Variants in AEBP2 observed in about 807,000 individuals in gnomAD.
AEBP2 encodes the protein AE binding protein 2, also known as zinc finger protein AEBP2.
In AEBP2, 10 loss-of-function variants were observed where a neutral mutation model predicts 50.8. The ratio of observed to expected loss-of-function variants is 0.20; its 90% CI spans 0.12 to 0.33. AEBP2 has a LOEUF of 0.33. Among genes scored for constraint, AEBP2 ranks in the 10% least tolerant of loss-of-function variants. The probability of loss-of-function intolerance (pLI) is 1.00; values close to 1 mark genes in which losing one functional copy is unlikely to be tolerated. For missense variants in AEBP2, 570 were observed against 688.0 expected, an observed-to-expected ratio of 0.83 and a Z score of 1.92; for synonymous variants, 296 against 261.3, an observed-to-expected ratio of 1.13 and a Z score of -1.28.
chr12:19,434,130 C>T (rs975782015), intron 1 of AEBP2, among the ~76,000 whole-genome samples: 1 of 151,912 alleles, frequency 6.6e-6, no homozygotes, highest in African/African-American at 2.4e-5. Flanking sequence ...TAGGCATGAG[C>T]CACTGCGCCC....
At chr12:19,461,136 A>G (rs1448729944) in intron 1 of AEBP2, among the ~76,000 whole-genome samples, 1 of 152,198 alleles carries the variant, frequency 6.6e-6, no homozygotes. Context: ...CGGGAGGGAA[A>G]CATACCTCTT....
Position 19,512,412 on chromosome 12 carries a change from A to G in AEBP2, c.1314A>G (p.Arg438=), listed in dbSNP as rs1331415888. 6.4e-7 allele frequency: 1 copy of G among 1,569,852 alleles called. No individual in the cohort carries two copies. The highest frequency in any genetic ancestry group is 8.7e-7 in the Non-Finnish European group (1 of 1,155,704). ...VVFHSTVIAK[R]KEDSGKIKLL... ...GTCATTATCAGGTAATAGCTAAGAG[A>G]AAAGAAGATTCTGGGAAGATCAAAC... is the stretch of plus-strand genomic sequence containing the variant. The change falls in exon 6 of 8, where the codon AGA becomes AGG. Residue 438 remains arginine, a synonymous_variant. Coordinates refer to ENST00000266508, the MANE Select transcript of AEBP2 (RefSeq NM_153207.5).
chr12:19,445,132 G>A (rs1368569338), intron 1 of AEBP2, among the ~76,000 whole-genome samples: 1 of 152,088 alleles, frequency 6.6e-6, no homozygotes, highest in Non-Finnish European at 1.5e-5. Flanking sequence ...TTTGGTACAC[G>A]TTCATTAAGT....
chr12:19,500,864 G>C (rs938849706), intron 5 of AEBP2, among the ~76,000 whole-genome samples: 1 of 152,056 alleles, frequency 6.6e-6, no homozygotes, highest in Non-Finnish European at 1.5e-5. Flanking sequence ...TTTATTTTTT[G>C]GTTAATTAGG....
intron 1 of AEBP2, among the ~76,000 whole-genome samples, chr12:19,428,034 C>T (rs1252947397): frequency 2.0e-5 from 3 of 151,724 alleles, no homozygotes; most frequent in South Asian, 2.1e-4. Flanking sequence ...CTCAGGAGTT[C>T]GAGACCAGCC....
intron 1 of AEBP2, among the ~76,000 whole-genome samples, chr12:19,446,244 C>G (rs1404718073): frequency 1.3e-5 from 2 of 152,158 alleles, no homozygotes; most frequent in Non-Finnish European, 2.9e-5. Context: ...TCCTCAGATA[C>G]TTTGTTTTTA....
rs557668758 is a variant in AEBP2, at chr12:19,425,820, G to A, written c.-17+21604G>A. On this transcript the variant is annotated intron_variant, in intron 1 of 3. Transcript: ENST00000538425. ...GTGGAATTAAAGGTATTCAAGGTAC[G>A]AGGGTTGTCTGTAATAGTTGGGAGA... Among the ~76,000 whole-genome samples, 11 of 151,304 alleles carry A rather than the reference G, an allele frequency of 7.3e-5. No individual in the cohort carries two copies. The South Asian group carries it at 2.3e-3, about 32-fold the overall frequency.
At chr12:19,414,515 C>A (rs2095741165) in intron 1 of AEBP2, among the ~76,000 whole-genome samples, 1 of 152,002 alleles carries the variant, frequency 6.6e-6, no homozygotes, top group Admixed American at 6.6e-5. Flanking sequence ...AGAGAGGCAC[C>A]CAGGATGCAA....
intron 1 of AEBP2, chr12:19,440,662 C>G: frequency 3.3e-6 from 5 of 1,532,162 alleles, no homozygotes; most frequent in Non-Finnish European, 4.4e-6. Flanking sequence ...GAAACAGTCC[C>G]CAAACGGGCC....
At chr12:19,460,632 G>A (rs567659185) in intron 1 of AEBP2, among the ~76,000 whole-genome samples, 5 of 149,622 alleles carry the variant, frequency 3.3e-5, no homozygotes, top group Non-Finnish European at 7.4e-5. Context: ...GATTATAGGC[G>A]TGAGCCACCA....
chr12:19,442,780 C>G (rs867507147), intron 1 of AEBP2, among the ~76,000 whole-genome samples: 1 of 152,134 alleles, frequency 6.6e-6, no homozygotes, highest in Non-Finnish European at 1.5e-5. Flanking sequence ...AATCTTAATT[C>G]TGAAACATCT....
chr12:19,440,514 C>T (rs1312532685), intron 1 of AEBP2, 144 bp downstream of exon 1: 11 of 1,394,418 alleles, frequency 7.9e-6, no homozygotes, highest in African/African-American at 1.4e-5. Flanking sequence ...TCGGAAATCT[C>T]TCGCCGTCGC....
chr12:19,438,488 G>GCGCC (rs1947884604), upstream of AEBP2, among the ~76,000 whole-genome samples: 1 of 152,134 alleles, frequency 6.6e-6, no homozygotes, highest in Non-Finnish European at 1.5e-5. Flanking sequence ...ATCCACTGAA[G>GCGCC]GTCATAATGT....
At chr12:19,478,128 C>A (rs551314148) in intron 3 of AEBP2, among the ~76,000 whole-genome samples, 1 of 152,152 alleles carries the variant, frequency 6.6e-6, no homozygotes, top group Non-Finnish European at 1.5e-5. Flanking sequence ...TTTCAAAGAA[C>A]CAGCTTGTTC....
chr12:19,477,306 G>C (rs1948663271), intron 3 of AEBP2, among the ~76,000 whole-genome samples: 1 of 152,086 alleles, frequency 6.6e-6, no homozygotes, highest in African/African-American at 2.4e-5. Flanking sequence ...TCTTTTCTCT[G>C]ATTGCTCTGG....
At chr12:19,441,950 A>G (rs1325214100) in intron 1 of AEBP2, among the ~76,000 whole-genome samples, 2 of 152,104 alleles carry the variant, frequency 1.3e-5, no homozygotes, top group African/African-American at 4.8e-5. Flanking sequence ...TCCCACAACT[A>G]TGGTGCAAGA....
At chr12:19,409,381 C>T (rs1179945274) in intron 1 of AEBP2, among the ~76,000 whole-genome samples, 1 of 151,886 alleles carries the variant, frequency 6.6e-6, no homozygotes. Context: ...ATTGCATTAT[C>T]CTACATACCC....
intron 3 of AEBP2, among the ~76,000 whole-genome samples, chr12:19,479,225 G>A (rs968252426): frequency 2.0e-5 from 3 of 152,156 alleles, no homozygotes; most frequent in African/African-American, 4.8e-5. Context: ...GCAGTTTTTG[G>A]TAGAATGTTC....
intron 3 of AEBP2, among the ~76,000 whole-genome samples, chr12:19,486,248 C>T (rs1236135815): frequency 1.3e-5 from 2 of 152,024 alleles, no homozygotes; most frequent in Admixed American, 6.6e-5. Flanking sequence ...GCTTTTTGTT[C>T]ACTCAACAAA....
Sources: allele counts gnomAD v4.1 joint callset (sites outside exome capture counted in the v4.1 genomes callset), GRCh38; gene constraint gnomAD v4.1.1; transcripts MANE v1.5; gene names NCBI Gene and HGNC (gene_info 2026-07-23, HGNC 2026-07-21).